MED6: variants seen among roughly 807,000 people sequenced by gnomAD.
The protein encoded by MED6 is mediator complex subunit 6.
Under a neutral mutation model 37.5 loss-of-function variants are expected in MED6, and 33 were observed. The ratio of observed to expected loss-of-function variants is 0.88; its 90% CI spans 0.67 to 1.18. The LOEUF is 1.18. Among genes scored for constraint, MED6 ranks in the 50% most tolerant of loss-of-function variants. The probability of loss-of-function intolerance (pLI) is 0.00; values close to 1 mark genes in which losing one functional copy is unlikely to be tolerated. For missense variants in MED6, 235 were observed against 290.6 expected (o/e 0.81, Z 1.39); for synonymous variants, 94 against 93.6 (o/e 1.00, Z -0.02).
intron 3 of MED6, 26 bp from the exon 4 acceptor site, chr14:70,593,404 T>G (rs1218486604): frequency 6.6e-7 from 1 of 1,521,222 alleles, no homozygotes; most frequent in Non-Finnish European, 9.1e-7. Flanking sequence ...AAAAGGTTTA[T>G]AAATACAGCT....
chr14:70,598,675 T>C (rs1885116980), intron 1 of MED6, among the ~76,000 whole-genome samples: 1 of 152,094 alleles, frequency 6.6e-6, no homozygotes, highest in South Asian at 2.1e-4. Context: ...GTATATTATA[T>C]CTTTAGAGAA....
In MED6 at chr14:70,593,279, A is replaced by G. The variant is rs765611683; in HGVS notation, c.357+17T>C. The G allele has an allele frequency of 1.2e-6, 2 of 1,604,804 alleles. No homozygotes were observed. Among genetic ancestry groups the G allele is most frequent in the Non-Finnish European group, 1.7e-6 (2 of 1,171,688 alleles). On this transcript the variant is annotated intron_variant, in intron 4 of 7. Coordinates refer to ENST00000256379, the MANE Select transcript of MED6 (RefSeq NM_005466.4). ...TAAAAGTTTTCTTTAGTGCTTAAAGAATGTGAAGACACTTACCACTCTAGA... is the reference window on the plus strand; with the variant it reads ...TAAAAGTTTTCTTTAGTGCTTAAAGGATGTGAAGACACTTACCACTCTAGA...
intron 7 of MED6, 35 bp from the exon 8 acceptor site, chr14:70,584,978 T>A (rs1174548931): frequency 3.1e-6 from 5 of 1,605,670 alleles, no homozygotes; most frequent in Non-Finnish European, 4.3e-6. Flanking sequence ...GGGAGGGAGA[T>A]ATGGGTGGGG....
Position 70,591,338 on chromosome 14 carries a change from A to G in MED6, c.510T>C (p.Ser170=), listed in dbSNP as rs1035992242. The G allele has an allele frequency of 1.2e-6, 2 of 1,607,026 alleles. No individual in the cohort carries two copies. The highest frequency in any genetic ancestry group is 2.7e-5 in the African/African-American group (2 of 74,484). The change falls in exon 6 of 8, where the codon TCT becomes TCC. Residue 170 remains serine, a synonymous_variant. Coordinates refer to ENST00000256379, the MANE Select transcript of MED6 (RefSeq NM_005466.4). The part of the protein sequence containing the change: ...PKAKRKEEPS[S]IFQRQRVDAL... ...CATCCACACGTTGTCTCTGAAAAAT[A>G]GAGCTTGGTTCTTCTTTCCTTTTGG...
At position 70,584,646 on chromosome 14, in the gene MED6, G is replaced by A; in HGVS notation, c.*167C>T. On this transcript the variant is annotated 3_prime_UTR_variant, in exon 8 of 8. Coordinates refer to ENST00000256379, the MANE Select transcript of MED6 (RefSeq NM_005466.4). The stretch of plus-strand genomic sequence containing the variant: ...CCGCCATGGCCTCCCAAAGTGCTGG[G>A]ATTACAGGCGTGAGCCACCACATCC... 3 of 836,000 alleles carry A rather than the reference G, an allele frequency of 3.6e-6. No homozygotes were observed. The highest frequency in any genetic ancestry group is 5.3e-6 in the Non-Finnish European group (3 of 564,928). 51.8% of individuals were successfully genotyped at this position (836,000 alleles called of 1,614,324 possible). A position where few individuals can be genotyped will look rare whatever the true frequency, so the allele number is the denominator to read the frequency against.
intron 6 of MED6, among the ~76,000 whole-genome samples, chr14:70,586,692 C>G (rs761608002): frequency 6.6e-6 from 1 of 152,128 alleles, no homozygotes; most frequent in Non-Finnish European, 1.5e-5. Flanking sequence ...CTTACCTATT[C>G]CCACTTCTAA....
At chr14:70,586,335 G>A (rs1414845198) in intron 6 of MED6, among the ~76,000 whole-genome samples, 1 of 152,104 alleles carries the variant, frequency 6.6e-6, no homozygotes, top group Non-Finnish European at 1.5e-5. Context: ...ACAAGGTCAG[G>A]TCCTTCACTC....
rs1885181051 is a variant in MED6 at position 70,600,647 on chromosome 14, A to G, written c.-10T>C. ...TATCCACCGCCGCCATAATTCCGAG[A>G]GCGTTTACAGGTTCTCTTTCCGGCG... On this transcript the variant is annotated 5_prime_UTR_variant, in exon 1 of 8. Coordinates refer to ENST00000256379, the MANE Select transcript of MED6 (RefSeq NM_005466.4). 2.5e-6 allele frequency: 4 copies of G among 1,612,822 alleles called. No individual in the cohort carries two copies. The highest frequency in any genetic ancestry group is 2.7e-5 in the African/African-American group (2 of 74,376).
chr14:70,587,107 C>A (rs1406622564), intron 6 of MED6, among the ~76,000 whole-genome samples: 1 of 152,172 alleles, frequency 6.6e-6, no homozygotes, highest in Non-Finnish European at 1.5e-5. Context: ...CCTTGGGTAC[C>A]AGGTCTCTAA....
In MED6 at chr14:70,585,710, G is replaced by C. The variant is rs372380711; in HGVS notation, c.610+46C>G. On this transcript the variant is annotated intron_variant, in intron 7 of 7. Coordinates refer to ENST00000256379, the MANE Select transcript of MED6 (RefSeq NM_005466.4). ...TATACTTGTGATTGATTTACAAGCT[G>C]TTTGACCTTATTTCAAGCGTAATAA... is the stretch of plus-strand genomic sequence containing the variant. 10 of 1,531,680 alleles carry C rather than the reference G, an allele frequency of 6.5e-6. No homozygotes were observed. The South Asian group carries it at 1.2e-4, about 19-fold the overall frequency. The allele number at this position is 1,531,680 out of a possible 1,614,324, so 94.9% of individuals were successfully genotyped here.
chr14:70,598,293 G>A (rs951082982), intron 1 of MED6, among the ~76,000 whole-genome samples: 3 of 152,030 alleles, frequency 2.0e-5, no homozygotes, highest in South Asian at 2.1e-4. Context: ...GTGAAACTCC[G>A]TCTCAAAAAA....
rs1421469111 is a variant in MED6 at position 70,584,101 on chromosome 14, C to A, written c.*712G>T. ...TCTTCATCTTCCAAAATGTCAGCAA[C>A]TGTTTATTTTAATACTGAGGATTAT... On this transcript the variant is annotated 3_prime_UTR_variant, in exon 8 of 8. Transcript: ENST00000256379. The A allele has an allele frequency of 1.5e-6, 1 of 687,710 alleles. No individual in the cohort carries two copies. The highest frequency in any genetic ancestry group is 2.6e-6 in the Non-Finnish European group (1 of 383,146). 42.6% of individuals were successfully genotyped at this position (687,710 alleles called of 1,614,324 possible). A position where few individuals can be genotyped will look rare whatever the true frequency, so the allele number is the denominator to read the frequency against.
intron 3 of MED6, among the ~76,000 whole-genome samples, chr14:70,596,030 T>C (rs928928228): frequency 1.3e-5 from 2 of 152,246 alleles, no homozygotes; most frequent in African/African-American, 4.8e-5. Flanking sequence ...CCAAGAGTCC[T>C]GGTATCCAAG....
Position 70,593,333 on chromosome 14 carries a change from T to C in MED6, c.320A>G (p.Gln107Arg). 1 of 1,613,962 alleles carries C rather than the reference T, an allele frequency of 6.2e-7. No individual in the cohort carries two copies. Among genetic ancestry groups the C allele is most frequent in the Non-Finnish European group, 8.5e-7 (1 of 1,179,900 alleles). ...TATAACTGATCCCAAGTCTGGTGCC[T>C]GATAGATCACTCCAGCAATGATATA... ...DYYIIAGVIYQAPDLGSVINS... is the reference protein window; with the variant it reads ...DYYIIAGVIYRAPDLGSVINS... Residue 107 changes from glutamine to arginine, a missense_variant, in exon 4 of 8, where the codon CAG becomes CGG. By Grantham distance (43) the Gln-to-Arg change is conservative. Coordinates refer to ENST00000256379, the MANE Select transcript of MED6 (RefSeq NM_005466.4).
chr14:70,594,717 A>G, intron 3 of MED6: 1 of 463,800 alleles, frequency 2.2e-6, no homozygotes, highest in Admixed American at 2.9e-5. Context: ...TTTCCAGGGC[A>G]GCTTGGGGTA....
At position 70,592,937 on chromosome 14, in the gene MED6, A is replaced by G. The variant is rs372095389; in HGVS notation, c.409T>C (p.Cys137Arg). 3 of 1,613,840 alleles carry G rather than the reference A, an allele frequency of 1.9e-6. No individual in the cohort carries two copies. Among genetic ancestry groups the G allele is most frequent in the African/African-American group, 2.7e-5 (2 of 74,934 alleles). The change falls in exon 5 of 8, where the codon TGT becomes CGT. Residue 137 changes from cysteine to arginine, a missense_variant. By Grantham distance (180) the Cys-to-Arg change is radical. Coordinates refer to ENST00000256379, the MANE Select transcript of MED6 (RefSeq NM_005466.4). ...QSAFDEAMSY[C>R]RYHPSKGYWW... The stretch of plus-strand genomic sequence containing the variant: ...TACCCTTTGGAAGGATGATATCGAC[A>G]GTATGACATAGCTTCATCAAAAGCT...
In MED6 at chr14:70,594,868, G is replaced by A. The variant is rs188261491; in HGVS notation, c.275-1490C>T. 2.8e-3 allele frequency: 1,864 copies of A among 666,154 alleles called. 13 individuals carry two copies. Among genetic ancestry groups the A allele is most frequent in the Middle Eastern group, 6.8e-3 (17 of 2,486 alleles). 41.3% of individuals were successfully genotyped at this position (666,154 alleles called of 1,614,324 possible). Reference sequence around the variant, plus strand: ...GGACAGAGTGAGGAGCCTGGAGACCGAGAACCAGAGGCTAGAGAGCAAAAT... The same window carrying A: ...GGACAGAGTGAGGAGCCTGGAGACCAAGAACCAGAGGCTAGAGAGCAAAAT... On this transcript the variant is annotated intron_variant, in intron 3 of 7. Transcript: ENST00000256379.
intron 2 of MED6, 120 bp from the exon 3 acceptor site, chr14:70,596,822 T>A: frequency 1.5e-6 from 1 of 684,340 alleles, no homozygotes; most frequent in Non-Finnish European, 2.4e-6. Flanking sequence ...ACTGCCTATG[T>A]TTGGTGTTAT....
At chr14:70,588,996 G>A (rs1159960845) in intron 6 of MED6, among the ~76,000 whole-genome samples, 1 of 152,016 alleles carries the variant, frequency 6.6e-6, no homozygotes, top group African/African-American at 2.4e-5. Flanking sequence ...TCCCTAGCCA[G>A]GGGCGGGGAA....
Sources: allele counts gnomAD v4.1 joint callset (sites outside exome capture counted in the v4.1 genomes callset), GRCh38; gene constraint gnomAD v4.1.1; transcripts MANE v1.5; gene names NCBI Gene and HGNC (gene_info 2026-07-23, HGNC 2026-07-21).